The following TRAPPC12 variants were observed in gnomAD, a reference collection of about 807,000 sequenced individuals.
TRAPPC12 encodes trafficking protein particle complex subunit 12, also known as TPR repeat protein 15.
In TRAPPC12, 61 loss-of-function variants were observed where a neutral mutation model predicts 69.2. That is an observed-to-expected ratio of 0.88 (90% CI 0.72 to 1.09). The LOEUF is 1.09. TRAPPC12 is among the 50% of genes least tolerant of loss of function. The pLI is 0.00. For synonymous variants in TRAPPC12, 469 were observed against 438.9 expected (o/e 1.07, Z -0.86); for missense variants, 1,101 against 1,016.4 (o/e 1.08, Z -1.13).
chr2:3,464,524 G>A (rs73133017), intron 8 of TRAPPC12, among the ~76,000 whole-genome samples: 2,686 of 152,308 alleles, frequency 0.018, 73 homozygotes, highest in African/African-American at 0.061. Context: ...GGGATTATAC[G>A]ATGAGTAAGT....
intron 4 of TRAPPC12, 78 bp downstream of exon 4, chr2:3,422,072 A>G (rs1263991048): frequency 3.7e-6 from 4 of 1,089,754 alleles, no homozygotes; most frequent in Non-Finnish European, 5.4e-6. Flanking sequence ...ATGGCCTTTC[A>G]TGCCAATAAC....
At chr2:3,448,195 C>T (rs924538339) in intron 6 of TRAPPC12, among the ~76,000 whole-genome samples, 3 of 152,252 alleles carry the variant, frequency 2.0e-5, no homozygotes, top group African/African-American at 7.2e-5. Context: ...TGAAGTGTTC[C>T]CCAGACAACT....
rs117011301 is a variant in TRAPPC12 at position 3,402,744 on chromosome 2, G to A, written c.1164+851G>A. ...GGAGAAGATATTGGAAGTTTGTCGC[G>A]TATGTTTCCTTCAGGAATCCTATGG... On this transcript the variant is annotated intron_variant, in intron 3 of 11. Transcript: ENST00000324266. 1.6e-3 allele frequency among the ~76,000 whole-genome samples: 249 copies of A among 152,324 alleles called. 4 individuals carry two copies. In the East Asian group the frequency reaches 0.039, roughly 24 times the overall value.
chr2:3,422,086 A>C (rs1289657091), intron 4 of TRAPPC12, 92 bp downstream of exon 4: 1 of 956,584 alleles, frequency 1.0e-6, no homozygotes, highest in Non-Finnish European at 1.6e-6. Context: ...CAATAACAAA[A>C]AGTATGTTTT....
At position 3,421,988 on chromosome 2, in the gene TRAPPC12, A is replaced by G. The variant is rs199874684; in HGVS notation, c.1272A>G (p.Ser424=). 1.4e-4 allele frequency: 230 copies of G among 1,611,632 alleles called. 1 individual carries two copies. In the East Asian group the frequency reaches 5.0e-3, roughly 35 times the overall value. Reference sequence around the variant, plus strand: ...TGCTCACCAGCCACACGACAGATTCACTGCAGGTGAGAACACCTTTCAGGT... The same window carrying G: ...TGCTCACCAGCCACACGACAGATTCGCTGCAGGTGAGAACACCTTTCAGGT... ...SGLLTSHTTD[S]LQLWFVRLAL... Residue 424 remains serine, a synonymous_variant, in exon 4 of 12, where the codon TCA becomes TCG. Coordinates refer to ENST00000324266, the MANE Select transcript of TRAPPC12 (RefSeq NM_016030.6).
intron 6 of TRAPPC12, among the ~76,000 whole-genome samples, chr2:3,444,907 T>A (rs1256400454): frequency 6.6e-6 from 1 of 152,242 alleles, no homozygotes; most frequent in Non-Finnish European, 1.5e-5. Context: ...CTGTACTATA[T>A]CAGTTGATGG....
chr2:3,409,741 C>CTTTTTTTTTTTT (rs1558358525), intron 3 of TRAPPC12, among the ~76,000 whole-genome samples: 1 of 51,752 alleles, frequency 1.9e-5, no homozygotes, highest in Non-Finnish European at 3.7e-5. Flanking sequence ...CAAAGCAAGA[C>CTTTTTTTTTTTT]TTTGTCTTTA....
chr2:3,424,594 C>T lies in TRAPPC12; in HGVS notation c.1348C>T (p.Pro450Ser). 1.2e-6 allele frequency: 2 copies of T among 1,614,000 alleles called. No individual in the cohort carries two copies. Among genetic ancestry groups the T allele is most frequent in the Non-Finnish European group, 8.5e-7 (1 of 1,179,960 alleles). Residue 450 changes from proline to serine, a missense_variant, in exon 5 of 12, where the codon CCC becomes TCC. Physicochemically the swap from Pro to Ser is moderately conservative, Grantham distance 74. Transcript: ENST00000324266. ...CCAGAATGCTGAGATGGAATTTGAA[C>T]CCTTCGGAAATCTTGATCAGCCAGA... ...LFQNAEMEFE[P>S]FGNLDQPDLY...
In TRAPPC12 at chr2:3,453,655, G is replaced by T. The variant is rs924494529; in HGVS notation, c.1531-3966G>T. Among the ~76,000 whole-genome samples, 19 of 152,294 alleles carry T rather than the reference G, an allele frequency of 1.2e-4. 1 individual carries two copies. The highest frequency in any genetic ancestry group is 3.4e-3 in the Middle Eastern group (1 of 294). ...TTATTCTTCTGGGACACAAACACGG[G>T]ACTGCTGATTGGTCTCTGATATAGA... On this transcript the variant is annotated intron_variant, in intron 6 of 11. Coordinates refer to ENST00000324266, the MANE Select transcript of TRAPPC12 (RefSeq NM_016030.6).
chr2:3,415,033 G>T (rs1485070858), intron 3 of TRAPPC12, among the ~76,000 whole-genome samples: 1 of 152,144 alleles, frequency 6.6e-6, no homozygotes, highest in African/African-American at 2.4e-5. Context: ...AGCAGTCATG[G>T]ATTTGGTATC....
chr2:3,421,649 C>T, intron 3 of TRAPPC12: 1 of 711,028 alleles, frequency 1.4e-6, no homozygotes, highest in Non-Finnish European at 2.6e-6. Context: ...ATTTGATCGG[C>T]TTGAACTGTA....
chr2:3,450,030 G>A (rs1467959743), intron 6 of TRAPPC12, among the ~76,000 whole-genome samples: 1 of 152,040 alleles, frequency 6.6e-6, no homozygotes, highest in African/African-American at 2.4e-5. Context: ...GGGCATCAGG[G>A]CTTTCCAGGG....
At chr2:3,402,411 G>GA (rs766753272) in intron 3 of TRAPPC12, among the ~76,000 whole-genome samples, 18 of 152,028 alleles carry the variant, frequency 1.2e-4, no homozygotes, top group Non-Finnish European at 2.2e-4. Flanking sequence ...CCAACATGGT[G>GA]AACCCCATCT....
At chr2:3,464,501 T>G (rs1009932111) in intron 8 of TRAPPC12, among the ~76,000 whole-genome samples, 4 of 151,218 alleles carry the variant, frequency 2.6e-5, no homozygotes, top group African/African-American at 9.9e-5. Context: ...AATAAAGAAA[T>G]AAAAGTACCT....
chr2:3,397,759 C>T (rs1558348108), intron 2 of TRAPPC12, among the ~76,000 whole-genome samples: 1 of 152,218 alleles, frequency 6.6e-6, no homozygotes, highest in African/African-American at 2.4e-5. Flanking sequence ...GACACATACA[C>T]TCTCACACTT....
intron 2 of TRAPPC12, among the ~76,000 whole-genome samples, chr2:3,394,019 G>A (rs1660977666): frequency 6.6e-6 from 1 of 152,214 alleles, no homozygotes; most frequent in Admixed American, 6.5e-5. Flanking sequence ...GCTGGAATAG[G>A]ATACATGTTT....
chr2:3,477,624 G>A lies in TRAPPC12; in HGVS notation c.1777-71G>A, dbSNP rs1666349717. ...TCTTCATATTCTAACATGATATTAG[G>A]GAACTAAATATATGAGTATAGACTT... On this transcript the variant is annotated intron_variant, in intron 9 of 11. Coordinates refer to ENST00000324266, the MANE Select transcript of TRAPPC12 (RefSeq NM_016030.6). 2.6e-5 allele frequency: 21 copies of A among 800,772 alleles called. No homozygotes were observed. The South Asian group carries it at 4.3e-4, about 16-fold the overall frequency. The allele number at this position is 800,772 out of a possible 1,614,324, so 49.6% of individuals were successfully genotyped here. A position where few individuals can be genotyped will look rare whatever the true frequency, so the allele number is the denominator to read the frequency against.
At position 3,390,216 on chromosome 2, in the gene TRAPPC12, C is replaced by G. The variant is rs1001876860; in HGVS notation, c.1047+1546C>G. 1.3e-4 allele frequency among the ~76,000 whole-genome samples: 20 copies of G among 152,166 alleles called. 1 individual carries two copies. The highest frequency in any genetic ancestry group is 2.6e-4 in the Non-Finnish European group (18 of 68,036). ...GTCTGCCTCCTGCTGCCATCACACT[C>G]GAGTCATTTCCGTTTCCATTTATCA... On this transcript the variant is annotated intron_variant, in intron 2 of 11. Coordinates refer to ENST00000324266, the MANE Select transcript of TRAPPC12 (RefSeq NM_016030.6).
chr2:3,445,639 A>G (rs887187265), intron 6 of TRAPPC12, among the ~76,000 whole-genome samples: 1 of 152,242 alleles, frequency 6.6e-6, no homozygotes, highest in African/African-American at 2.4e-5. Flanking sequence ...CAATTTACAG[A>G]TGGGGAAACT....
Sources: allele counts gnomAD v4.1 joint callset (sites outside exome capture counted in the v4.1 genomes callset), GRCh38; gene constraint gnomAD v4.1.1; transcripts MANE v1.5; gene names NCBI Gene and HGNC (gene_info 2026-07-23, HGNC 2026-07-21).